The following KAT6B variants were observed in gnomAD, a reference collection of about 807,000 sequenced individuals.
KAT6B encodes histone acetyltransferase KAT6B.
KAT6B carries 10 observed loss-of-function variants against 187.5 expected under a neutral mutation model. The ratio of observed to expected loss-of-function variants is 0.05; its 90% CI spans 0.03 to 0.09. The LOEUF (loss-of-function observed/expected upper bound fraction) is 0.09, where lower values mean the gene tolerates loss of function less well. KAT6B is among the 10% of genes least tolerant of loss of function. The pLI, the probability that KAT6B is intolerant of heterozygous loss-of-function variation, is 1.00. For synonymous variants in KAT6B, 861 were observed against 926.8 expected (o/e 0.93, Z 1.29); for missense variants, 1,952 against 2,558.9 (o/e 0.76, Z 5.12).
At chr10:74,913,720 T>C (rs1032379136) in intron 3 of KAT6B, among the ~76,000 whole-genome samples, 1 of 152,234 alleles carries the variant, frequency 6.6e-6, no homozygotes, top group African/African-American at 2.4e-5. Context: ...AAAACTTGTG[T>C]GCCCACGGTC....
At chr10:74,905,195 A>C (rs1358738170) in intron 3 of KAT6B, among the ~76,000 whole-genome samples, 3 of 152,212 alleles carry the variant, frequency 2.0e-5, no homozygotes, top group Non-Finnish European at 4.4e-5. Flanking sequence ...TTGCCCATTA[A>C]AGTGAACACC....
intron 8 of KAT6B, 117 bp from the exon 9 acceptor site, chr10:74,977,199 G>C: frequency 9.5e-7 from 1 of 1,049,062 alleles, no homozygotes; most frequent in South Asian, 1.4e-5. Context: ...TATTTATAAA[G>C]CTTTAAAAAA....
intron 13 of KAT6B, among the ~76,000 whole-genome samples, chr10:74,995,302 C>T (rs1190519231): frequency 2.0e-5 from 3 of 152,174 alleles, no homozygotes; most frequent in African/African-American, 7.2e-5. Flanking sequence ...TTCAGTGTTA[C>T]TGTAGTATTC....
chr10:74,947,876 T>A (rs1434975089), intron 3 of KAT6B, among the ~76,000 whole-genome samples: 1 of 152,200 alleles, frequency 6.6e-6, no homozygotes, highest in Non-Finnish European at 1.5e-5. Context: ...CAACACACCT[T>A]ACAGTGAAGC....
intron 3 of KAT6B, among the ~76,000 whole-genome samples, chr10:74,864,586 G>C (rs1292168971): frequency 2.6e-5 from 4 of 151,996 alleles, no homozygotes; most frequent in African/African-American, 9.7e-5. Context: ...CTGTTGCCCA[G>C]GCTGGTGTGC....
intron 13 of KAT6B, among the ~76,000 whole-genome samples, chr10:75,000,199 GCAAAA>G (rs917795173): frequency 1.3e-5 from 2 of 149,708 alleles, no homozygotes; most frequent in Non-Finnish European, 3.0e-5. Context: ...TTAAAACAAA[GCAAAA>G]CAAAACAAAA....
In KAT6B at chr10:74,935,326, A is replaced by C. The variant is rs147372878; in HGVS notation, c.622-24644A>C. ...CTGTGTACTCATATATAGCTACATA[A>C]TTTGGAAAAGTATTTAGAATTATAT... On this transcript the variant is annotated intron_variant, in intron 3 of 17. Transcript: ENST00000287239. Among the ~76,000 whole-genome samples, 11 of 152,304 alleles carry C rather than the reference A, an allele frequency of 7.2e-5. No individual in the cohort carries two copies. The East Asian group carries it at 2.1e-3, about 29-fold the overall frequency.
chr10:74,990,655 G>A (rs186095396), intron 13 of KAT6B, among the ~76,000 whole-genome samples: 20 of 152,252 alleles, frequency 1.3e-4, no homozygotes, highest in African/African-American at 4.8e-4. Flanking sequence ...ACCAAATGCA[G>A]TGTACCATTT....
chr10:75,021,730 A>G (rs1037815298), intron 15 of KAT6B, 151 bp from the exon 16 acceptor site: 1 of 762,726 alleles, frequency 1.3e-6, no homozygotes, highest in East Asian at 2.7e-5. Flanking sequence ...AACTGATGCA[A>G]AAGGTTCCTG....
intron 3 of KAT6B, among the ~76,000 whole-genome samples, chr10:74,931,852 C>T (rs976231687): frequency 1.3e-5 from 2 of 152,206 alleles, no homozygotes; most frequent in Non-Finnish European, 2.9e-5. Context: ...GCTGGGATTA[C>T]AGGCGCATGC....
chr10:74,984,040 TC>T, intron 11 of KAT6B: 1 of 152,320 alleles, frequency 6.6e-6, no homozygotes, highest in African/African-American at 2.4e-5. Context: ...TCTCCATCTT[TC>T]CTTTTTGTAA....
intron 3 of KAT6B, among the ~76,000 whole-genome samples, chr10:74,893,627 G>A (rs1431833300): frequency 6.6e-6 from 1 of 151,714 alleles, no homozygotes; most frequent in Admixed American, 6.6e-5. Context: ...GCACCACCAC[G>A]CCCAGCTAAT....
intron 3 of KAT6B, among the ~76,000 whole-genome samples, chr10:74,902,753 A>C (rs1202318189): frequency 6.6e-6 from 1 of 152,194 alleles, no homozygotes; most frequent in African/African-American, 2.4e-5. Context: ...TTTGGTGTGA[A>C]TCTTTTATTA....
chr10:74,856,066 T>C (rs1329917214), intron 3 of KAT6B, among the ~76,000 whole-genome samples: 9 of 152,136 alleles, frequency 5.9e-5, no homozygotes, highest in South Asian at 2.1e-4. Context: ...TTTCCCCAAA[T>C]GGCCCCAAAA....
intron 10 of KAT6B, among the ~76,000 whole-genome samples, chr10:74,981,298 T>G (rs201805151): frequency 3.2e-4 from 44 of 137,502 alleles, no homozygotes; most frequent in Middle Eastern, 7.6e-3. Context: ...TGGCTTTCTT[T>G]CTTTCTTTCT....
chr10:74,952,031 A>G (rs1377775781), intron 3 of KAT6B, among the ~76,000 whole-genome samples: 1 of 152,206 alleles, frequency 6.6e-6, no homozygotes, highest in Non-Finnish European at 1.5e-5. Context: ...AATATTTCAG[A>G]TAATGGTCAG....
chr10:75,029,358 G>C lies in KAT6B; in HGVS notation c.4534G>C (p.Ala1512Pro), dbSNP rs772508131. The change falls in exon 18 of 18, where the codon GCA (alanine) becomes CCA (proline). Residue 1512 changes from alanine to proline, a missense_variant. Ala to Pro is a conservative substitution (Grantham distance 27). This residue lies in a region of KAT6B where 758 missense variants were observed against 891.4 expected (regional missense o/e 0.85). Transcript: ENST00000287239. This position sits in a 1 kb window ranked among gnomAD's most constrained non-coding sequence, Gnocchi z 6.2. ...CGAGGAGCCACCCCCAGGAGAACAG[G>C]CACAGAAGCAGGACCAAAAGAACAG... ...SDEEPPPGEQAQKQDQKNSKE... is the reference protein window; with the variant it reads ...SDEEPPPGEQPQKQDQKNSKE... The C allele has an allele frequency of 6.8e-6, 11 of 1,614,016 alleles. No homozygotes were observed. The highest frequency in any genetic ancestry group is 3.3e-5 in the Admixed American group (2 of 60,006).
At chr10:74,847,856 C>G (rs1444660283) in intron 3 of KAT6B, among the ~76,000 whole-genome samples, 2 of 151,538 alleles carry the variant, frequency 1.3e-5, no homozygotes, top group Non-Finnish European at 2.9e-5. Context: ...CACAAATCCT[C>G]TGAAATAGAG....
chr10:74,957,837 TAAC>T (rs906072617), intron 3 of KAT6B, among the ~76,000 whole-genome samples: 28 of 152,318 alleles, frequency 1.8e-4, no homozygotes, highest in African/African-American at 6.7e-4. Flanking sequence ...TTGCAAGTAA[TAAC>T]TATGGATCCA....
Sources: gnomAD v4.1 joint callset for allele counts (sites outside exome capture counted in the v4.1 genomes callset) on GRCh38, gnomAD v4.1.1 for gene constraint, gnomAD v4.1.1 regional missense constraint, Gnocchi (gnomAD v3.1) non-coding constraint, MANE v1.5 for transcripts, NCBI Gene and HGNC (gene_info 2026-07-23, HGNC 2026-07-21) for gene names.